Variants in ACOX3 observed in about 807,000 individuals in gnomAD.
The protein encoded by ACOX3 is peroxisomal acyl-coenzyme A oxidase 3.
In ACOX3, 73 loss-of-function variants were observed where a neutral mutation model predicts 81.5. The observed-to-expected ratio is 0.90, with a 90% CI of 0.74 to 1.09. The LOEUF is 1.09. ACOX3 is among the 50% of genes least tolerant of loss of function. ACOX3 has a pLI of 0.00. For synonymous variants in ACOX3, 387 were observed against 375.1 expected (o/e 1.03, Z -0.37); for missense variants, 947 against 928.0 (o/e 1.02, Z -0.27).
chr4:8,426,111 T>A (rs2109024544), intron 1 of ACOX3, among the ~76,000 whole-genome samples: 1 of 152,194 alleles, frequency 6.6e-6, no homozygotes, highest in Middle Eastern at 3.4e-3. Flanking sequence ...ACCAATGACC[T>A]TGTGCTTGAC....
chr4:8,356,261 G>A, the ACOX3 span: 1 of 349,250 alleles, frequency 2.9e-6, no homozygotes, highest in Admixed American at 3.8e-5. Flanking sequence ...CCAGGAGCCT[G>A]CCCTAGACTC....
chr4:8,372,286 G>A (rs1489748657), intron 16 of ACOX3, among the ~76,000 whole-genome samples: 1 of 152,210 alleles, frequency 6.6e-6, no homozygotes, highest in Non-Finnish European at 1.5e-5. Context: ...TTTTTGTAGA[G>A]ATGAAGTCTC....
intron 9 of ACOX3, 33 bp downstream of exon 9, chr4:8,396,904 G>C (rs753010006): frequency 6.3e-7 from 1 of 1,595,352 alleles, no homozygotes; most frequent in South Asian, 1.1e-5. Context: ...ATAAAATAGA[G>C]AGACAGTGAA....
chr4:8,403,062 A>G (rs917752744), intron 7 of ACOX3, among the ~76,000 whole-genome samples: 6 of 152,176 alleles, frequency 3.9e-5, no homozygotes, highest in Non-Finnish European at 5.9e-5. Context: ...GGCTGAAACT[A>G]TCACTTGAGA....
Position 8,389,031 on chromosome 4 carries a change from A to G in ACOX3, c.1537+142T>C. ...GAGATAGTCCATGAGCCAGCCCAGGACAAGCTGCATGCGGGGCCTCCCACC... is the reference window on the plus strand; with the variant it reads ...GAGATAGTCCATGAGCCAGCCCAGGGCAAGCTGCATGCGGGGCCTCCCACC... On this transcript the variant is annotated intron_variant, in intron 13 of 17. Transcript: ENST00000356406. This position sits in a 1 kb window ranked among gnomAD's most constrained non-coding sequence, Gnocchi z 5.3. The G allele has an allele frequency of 3.1e-6, 2 of 654,948 alleles. No homozygotes were observed. Among genetic ancestry groups the G allele is most frequent in the East Asian group, 2.8e-5 (1 of 36,350 alleles). The allele number at this position is 654,948 out of a possible 1,614,324, so 40.6% of individuals were successfully genotyped here.
In ACOX3 at chr4:8,418,825, C is replaced by T. The variant is rs542615543; in HGVS notation, c.-14-2290G>A. On this transcript the variant is annotated intron_variant, in intron 1 of 17. Coordinates refer to ENST00000356406, the MANE Select transcript of ACOX3 (RefSeq NM_003501.3). ...AGTGAGCTGAGATTGTGCCATTGCA[C>T]TCTAGCCTGGGCAACAAGAATGAAA... Among the ~76,000 whole-genome samples the T allele has an allele frequency of 2.6e-5, 4 of 152,254 alleles. No homozygotes were observed. The South Asian group carries it at 8.3e-4, about 32-fold the overall frequency.
the ACOX3 span, chr4:8,356,196 C>A: frequency 0.21 from 56,670 of 271,812 alleles, 6,258 homozygotes; most frequent in Non-Finnish European, 0.23. Flanking sequence ...TTCTCTTATT[C>A]ATTTCATCAG....
At chr4:8,361,425 C>CTAAAAAA (rs1560158854), downstream of ACOX3, among the ~76,000 whole-genome samples, 1 of 39,034 alleles carries the variant, frequency 2.6e-5, no homozygotes, top group Non-Finnish European at 4.2e-5. Context: ...GACTCTATCT[C>CTAAAAAA]AAAAAAAAAA....
chr4:8,430,679 A>G lies in ACOX3; in HGVS notation c.-15+9969T>C, dbSNP rs1034803192. Reference sequence around the variant, plus strand: ...GAGACCAGCCTGGCCAACATGGTGAAACCCCATCTCTACTAAAAATACAAA... The same window carrying G: ...GAGACCAGCCTGGCCAACATGGTGAGACCCCATCTCTACTAAAAATACAAA... On this transcript the variant is annotated intron_variant, in intron 1 of 17. Transcript: ENST00000356406. This position sits in a 1 kb window ranked among gnomAD's most constrained non-coding sequence, Gnocchi z 5.2. 2.0e-5 allele frequency among the ~76,000 whole-genome samples: 3 copies of G among 152,116 alleles called. No individual in the cohort carries two copies. Among genetic ancestry groups the G allele is most frequent in the African/African-American group, 7.2e-5 (3 of 41,420 alleles).
At chr4:8,408,600 A>T (rs554079341) in intron 6 of ACOX3, among the ~76,000 whole-genome samples, 8 of 152,350 alleles carry the variant, frequency 5.3e-5, no homozygotes, top group African/African-American at 1.9e-4. Context: ...CACTCCAGGT[A>T]GAAATCTATA....
intron 11 of ACOX3, among the ~76,000 whole-genome samples, chr4:8,391,062 T>TGTATAC (rs1337435280): frequency 2.0e-5 from 3 of 151,702 alleles, no homozygotes; most frequent in Non-Finnish European, 2.9e-5. Flanking sequence ...TATATGTATA[T>TGTATAC]GTATATGTAT....
chr4:8,388,634 T>C (rs888098288), intron 13 of ACOX3, among the ~76,000 whole-genome samples: 1 of 152,188 alleles, frequency 6.6e-6, no homozygotes, highest in Non-Finnish European at 1.5e-5. Context: ...GCCAGCTCTG[T>C]GCGGGGCCCT....
chr4:8,395,797 T>C (rs1378187092), intron 9 of ACOX3, among the ~76,000 whole-genome samples: 1 of 152,220 alleles, frequency 6.6e-6, no homozygotes, highest in Non-Finnish European at 1.5e-5. Context: ...CAACACTTAC[T>C]AAACAGGCTC....
Position 8,416,335 on chromosome 4 carries a change from C to T in ACOX3, c.144+43G>A. 1 of 1,613,540 alleles carries T rather than the reference C, an allele frequency of 6.2e-7. No individual in the cohort carries two copies. The highest frequency in any genetic ancestry group is 8.5e-7 in the Non-Finnish European group (1 of 1,179,958). Reference sequence around the variant, plus strand: ...CCCATTCTGCTAACGAACTAAGACCCCACTGGGAAAAAAGACAAGCTGCGC... The same window carrying T: ...CCCATTCTGCTAACGAACTAAGACCTCACTGGGAAAAAAGACAAGCTGCGC... On this transcript the variant is annotated intron_variant, in intron 2 of 17. Transcript: ENST00000356406. The surrounding 1 kb of genome is among the most constrained non-coding windows in gnomAD (Gnocchi z 4.2).
At chr4:8,356,902 A>G in the ACOX3 span, 1 of 455,906 alleles carries the variant, frequency 2.2e-6, no homozygotes, top group Admixed American at 2.4e-5. Context: ...GAAAGTGTGC[A>G]GAACAGTGCA....
rs1010630085 is a variant in ACOX3, at chr4:8,384,806, G to A, written c.1538-3199C>T. Among the ~76,000 whole-genome samples the A allele has an allele frequency of 2.6e-5, 4 of 152,108 alleles. No homozygotes were observed. Among genetic ancestry groups the A allele is most frequent in the African/African-American group, 9.7e-5 (4 of 41,414 alleles). On this transcript the variant is annotated intron_variant, in intron 13 of 17. Coordinates refer to ENST00000356406, the MANE Select transcript of ACOX3 (RefSeq NM_003501.3). This position sits in a 1 kb window ranked among gnomAD's most constrained non-coding sequence, Gnocchi z 5.3. Reference sequence around the variant, plus strand: ...CCTGGAAAGCAAGGCCTGGACAGCGGCCCCAACTCCTCAGCCAGATCACAG... The same window carrying A: ...CCTGGAAAGCAAGGCCTGGACAGCGACCCCAACTCCTCAGCCAGATCACAG...
At chr4:8,409,991 A>G (rs1329285633) in intron 6 of ACOX3, among the ~76,000 whole-genome samples, 11 of 143,982 alleles carry the variant, frequency 7.6e-5, no homozygotes, top group African/African-American at 2.4e-4. Context: ...GGACGGGGCT[A>G]TCTGCATTGT....
rs200159392 is a variant in ACOX3 at position 8,387,411 on chromosome 4, CGG to C, written c.1537+1760_1537+1761del. 4.0e-4 allele frequency among the ~76,000 whole-genome samples: 61 copies of C among 152,302 alleles called. No homozygotes were observed. In the East Asian group the frequency reaches 0.012, roughly 29 times the overall value. On this transcript the variant is annotated intron_variant, in intron 13 of 17. Transcript: ENST00000356406. ...GAAGGTGGGCTACTCTTCCACGTCT[CGG>C]GTGTCACGGGAGCAGTCAGTTTCTA...
Position 8,382,575 on chromosome 4 carries a change from G to A in ACOX3, c.1538-968C>T, listed in dbSNP as rs1189275926. On this transcript the variant is annotated intron_variant, in intron 13 of 17. Transcript: ENST00000356406. This position sits in a 1 kb window ranked among gnomAD's most constrained non-coding sequence, Gnocchi z 4.1. ...GCAGGGGCCTTCTGCCTGGCAGCCG[G>A]TCTTGCTCAGAGATCCCAGGCAGGA... Among the ~76,000 whole-genome samples, 1 of 152,220 alleles carries A rather than the reference G, an allele frequency of 6.6e-6. No individual in the cohort carries two copies. Among genetic ancestry groups the A allele is most frequent in the African/African-American group, 2.4e-5 (1 of 41,470 alleles).
Sources: gnomAD v4.1 joint callset for allele counts (sites outside exome capture counted in the v4.1 genomes callset) on GRCh38, gnomAD v4.1.1 for gene constraint, Gnocchi (gnomAD v3.1) non-coding constraint, MANE v1.5 for transcripts, NCBI Gene and HGNC (gene_info 2026-07-23, HGNC 2026-07-21) for gene names.